ZSCAN18: variants seen among roughly 807,000 people sequenced by gnomAD.
ZSCAN18 encodes zinc finger and SCAN domain-containing protein 18.
In ZSCAN18, 16 loss-of-function variants were observed where a neutral mutation model predicts 31.1. The observed-to-expected ratio is 0.51, with a 90% CI of 0.35 to 0.78. The LOEUF (loss-of-function observed/expected upper bound fraction) is 0.78, where lower values mean the gene tolerates loss of function less well. ZSCAN18 is among the 30% of genes least tolerant of loss of function. The pLI is 0.01. For synonymous variants in ZSCAN18, 375 were observed against 320.7 expected (o/e 1.17, Z -1.81); for missense variants, 731 against 697.4 (o/e 1.05, Z -0.54).
chr19:58,110,473 C>T (rs1258551397), intron 1 of ZSCAN18, among the ~76,000 whole-genome samples: 2 of 152,108 alleles, frequency 1.3e-5, no homozygotes, highest in Non-Finnish European at 2.9e-5. Context: ...GAGATCTGCC[C>T]ATCATTACAC....
chr19:58,110,368 C>T (rs1457278010), intron 1 of ZSCAN18, among the ~76,000 whole-genome samples: 2 of 152,160 alleles, frequency 1.3e-5, no homozygotes, highest in East Asian at 3.8e-4. Context: ...CCTCTGAATC[C>T]AGACATGCAT....
intron 1 of ZSCAN18, among the ~76,000 whole-genome samples, chr19:58,093,644 A>G (rs1433185798): frequency 6.6e-6 from 1 of 152,148 alleles, no homozygotes. Flanking sequence ...TCTTTCTGTC[A>G]ACCAGTTAAC....
chr19:58,085,312 A>C lies in ZSCAN18; in HGVS notation c.906T>G (p.Pro302=), dbSNP rs1313891955. 6.3e-7 allele frequency: 1 copy of C among 1,598,208 alleles called. No individual in the cohort carries two copies. Among genetic ancestry groups the C allele is most frequent in the East Asian group, 2.2e-5 (1 of 44,776 alleles). The change falls in exon 7 of 7, where the codon CCT becomes CCG. Residue 302 remains proline (P), a synonymous_variant. Coordinates refer to ENST00000601144, the MANE Select transcript of ZSCAN18 (RefSeq NM_001145543.2). Reference sequence around the variant, plus strand: ...CAGGGGGCGCCTCCGTAGGCAGCTCAGGCAGCACCCCCGCGGGGGCGGCCT... The same window carrying C: ...CAGGGGGCGCCTCCGTAGGCAGCTCCGGCAGCACCCCCGCGGGGGCGGCCT... ...CEEAAPAGVL[P]ELPTEAPPGD...
At chr19:58,098,236 G>A (rs2074559528), upstream of ZSCAN18, 2 of 985,368 alleles carry the variant, frequency 2.0e-6, no homozygotes. Flanking sequence ...GATGGCGGCC[G>A]GCAAACTGCG....
upstream of ZSCAN18, chr19:58,098,314 G>T: frequency 1.0e-6 from 1 of 985,502 alleles, no homozygotes; most frequent in Non-Finnish European, 1.2e-6. Flanking sequence ...GCGCACCGGG[G>T]CGAGCAAGGG....
At chr19:58,088,392 T>C (rs1201983011) in intron 3 of ZSCAN18, 18 of 328,042 alleles carry the variant, frequency 5.5e-5, no homozygotes, top group Admixed American at 3.6e-4. Context: ...ATCAGGACAC[T>C]TGAGACCCTT....
upstream of ZSCAN18, among the ~76,000 whole-genome samples, chr19:58,099,966 T>G (rs1202889663): frequency 1.7e-4 from 25 of 147,902 alleles, no homozygotes; most frequent in South Asian, 6.4e-4. Flanking sequence ...AAAGCTATGT[T>G]TTTTTTTTTT....
At chr19:58,118,011 T>G (rs2074745912) in intron 1 of ZSCAN18, among the ~76,000 whole-genome samples, 1 of 151,750 alleles carries the variant, frequency 6.6e-6, no homozygotes, top group South Asian at 2.1e-4. Context: ...GCTCGCGCCC[T>G]GCGGGGAGAG....
chr19:58,089,322 A>C (rs868087744), intron 2 of ZSCAN18, among the ~76,000 whole-genome samples: 3,211 of 139,866 alleles, frequency 0.023, 134 homozygotes, highest in African/African-American at 0.049. Context: ...AAAAAAAAAA[A>C]AAAAAAAAAA....
At chr19:58,098,502 A>T (rs546259455), upstream of ZSCAN18, 22 of 560,262 alleles carry the variant, frequency 3.9e-5, no homozygotes, top group South Asian at 1.5e-3. Context: ...AGAAACGGAG[A>T]AACAAAGACA....
At chr19:58,093,717 GCTGT>G (rs1203677186) in intron 1 of ZSCAN18, among the ~76,000 whole-genome samples, 3 of 152,032 alleles carry the variant, frequency 2.0e-5, no homozygotes, top group African/African-American at 7.2e-5. Flanking sequence ...TTCACTCCAC[GCTGT>G]CTTTTGGTCA....
chr19:58,094,204 T>C (rs1182474492), intron 1 of ZSCAN18, among the ~76,000 whole-genome samples: 1 of 150,852 alleles, frequency 6.6e-6, no homozygotes, highest in Non-Finnish European at 1.5e-5. Flanking sequence ...GAGACCATCC[T>C]GGCTAACACC....
rs1007639566 is a variant in ZSCAN18, at chr19:58,084,204, GCTT to G, written c.*478_*480del. On this transcript the variant is annotated 3_prime_UTR_variant, in exon 7 of 7. Coordinates refer to ENST00000601144, the MANE Select transcript of ZSCAN18 (RefSeq NM_001145543.2). This position sits in a 1 kb window ranked among gnomAD's most constrained non-coding sequence, Gnocchi z 4.5. ...CACACGCGAGGTAAACTAGGAAACA[GCTT>G]CTGCTTTTGCAGATTAGAAGTGAAG... is the stretch of plus-strand genomic sequence containing the variant. The G allele has an allele frequency of 2.6e-5, 4 of 153,720 alleles. No individual in the cohort carries two copies. Among genetic ancestry groups the G allele is most frequent in the African/African-American group, 9.6e-5 (4 of 41,524 alleles). 9.5% of individuals were successfully genotyped at this position (153,720 alleles called of 1,614,324 possible). A position where few individuals can be genotyped will look rare whatever the true frequency, so the allele number is the denominator to read the frequency against.
chr19:58,113,564 G>T (rs572499956), intron 1 of ZSCAN18, among the ~76,000 whole-genome samples: 2 of 152,248 alleles, frequency 1.3e-5, no homozygotes, highest in African/African-American at 4.8e-5. Flanking sequence ...CCTTATTTAG[G>T]AACAGGGGAG....
rs979289112 is a variant in ZSCAN18 at position 58,085,232 on chromosome 19, G to A, written c.986C>T (p.Pro329Leu). ...SGTTEEEEEQ[P>L]GKAPDPQDPQ... ...GTCCTGCGGGTCCGGGGCCTTCCCA[G>A]GCTGCTCTTCCTCCTCCTCAGTGGT... The change falls in exon 7 of 7, where the codon CCT (proline) becomes CTT (leucine). Residue 329 changes from proline (P) to leucine (L), a missense_variant. By Grantham distance (98) the Pro-to-Leu change is moderately conservative (BLOSUM62 -3). Coordinates refer to ENST00000601144, the MANE Select transcript of ZSCAN18 (RefSeq NM_001145543.2). 4 of 1,607,714 alleles carry A rather than the reference G, an allele frequency of 2.5e-6. No homozygotes were observed. Among genetic ancestry groups the A allele is most frequent in the Non-Finnish European group, 3.4e-6 (4 of 1,179,158 alleles).
Position 58,089,258 on chromosome 19 carries a change from C to A in ZSCAN18, c.404-421G>T, listed in dbSNP as rs539345889. ...GCGGAGCTTGCAGTGAGCCGAGATC[C>A]CGCCACTGCACTCCAGCCTGGGCGA... is the stretch of plus-strand genomic sequence containing the variant. On this transcript the variant is annotated intron_variant, in intron 2 of 6. Transcript: ENST00000601144. Among the ~76,000 whole-genome samples, 5 of 114,918 alleles carry A rather than the reference C, an allele frequency of 4.4e-5. No individual in the cohort carries two copies. In the South Asian group the frequency reaches 1.5e-3, roughly 35 times the overall value. 75.4% of individuals were successfully genotyped at this position (114,918 alleles called of 152,430 possible).
In ZSCAN18 at chr19:58,085,264, C is replaced by A. The variant is rs377394421; in HGVS notation, c.954G>T (p.Pro318=). 6.2e-7 allele frequency: 1 copy of A among 1,603,572 alleles called. No individual in the cohort carries two copies. The stretch of plus-strand genomic sequence containing the variant: ...CTTCCTCCTCCTCAGTGGTGCCCGA[C>A]GGGGGATCGGCAAGGGCGTCCCCAG... The part of the protein sequence containing the change: ...APPGDALADP[P]SGTTEEEEEQ... The change falls in exon 7 of 7, where the codon CCG becomes CCT. Residue 318 remains proline, a synonymous_variant. Coordinates refer to ENST00000601144, the MANE Select transcript of ZSCAN18 (RefSeq NM_001145543.2).
intron 1 of ZSCAN18, among the ~76,000 whole-genome samples, chr19:58,109,559 T>C (rs971234255): frequency 1.3e-5 from 2 of 152,170 alleles, no homozygotes; most frequent in African/African-American, 2.4e-5. Flanking sequence ...GGAAAACTTG[T>C]GGTTTACTTA....
At chr19:58,093,822 G>A (rs1373945815) in intron 1 of ZSCAN18, among the ~76,000 whole-genome samples, 1 of 151,878 alleles carries the variant, frequency 6.6e-6, no homozygotes, top group Non-Finnish European at 1.5e-5. Context: ...CTGGAGTGCT[G>A]TGGCACAATG....
Sources: gnomAD v4.1 joint callset for allele counts (sites outside exome capture counted in the v4.1 genomes callset) on GRCh38, gnomAD v4.1.1 for gene constraint, Gnocchi (gnomAD v3.1) non-coding constraint, MANE v1.5 for transcripts, NCBI Gene and HGNC (gene_info 2026-07-23, HGNC 2026-07-21) for gene names.